Variants in ELP1 observed in about 807,000 individuals in gnomAD.
ELP1 encodes elongator acetyltransferase complex subunit 1, also known as elongator complex protein 1.
A neutral mutation model predicts 183.2 loss-of-function variants in ELP1; 131 were observed. The ratio of observed to expected loss-of-function variants is 0.72; its 90% CI spans 0.62 to 0.83. The LOEUF is 0.83. ELP1 is among the 40% of genes least tolerant of loss of function. The pLI is 0.00. For missense variants in ELP1, 1,550 were observed against 1,594.9 expected (o/e 0.97, Z 0.48); for synonymous variants, 555 against 569.0 (o/e 0.98, Z 0.35).
chr9:108,927,565 T>C (rs572777714), intron 3 of ELP1, 112 bp from the exon 4 acceptor site: 5 of 825,888 alleles, frequency 6.1e-6, no homozygotes, highest in Admixed American at 3.8e-5. Context: ...CATCAGTATA[T>C]GGAAGAGATA....
rs1023418909 is a variant in ELP1 at position 108,919,577 on chromosome 9, A to T, written c.553-228T>A. 8.5e-5 allele frequency among the ~76,000 whole-genome samples: 13 copies of T among 152,158 alleles called. 1 individual carries two copies. The highest frequency in any genetic ancestry group is 1.3e-4 in the Non-Finnish European group (9 of 68,028). On this transcript the variant is annotated intron_variant, in intron 6 of 36. Transcript: ENST00000374647. Reference sequence around the variant, plus strand: ...AATCCTCCTTTCGGCATTAAAAAAAAAAAAAGTGGCCTCTGAGAACAGCAA... The same window carrying T: ...AATCCTCCTTTCGGCATTAAAAAAATAAAAAGTGGCCTCTGAGAACAGCAA...
In ELP1 at chr9:108,906,419, A is replaced by C; in HGVS notation, c.1527T>G (p.Ile509Met). The C allele has an allele frequency of 6.2e-7, 1 of 1,614,106 alleles. No individual in the cohort carries two copies. The highest frequency in any genetic ancestry group is 1.1e-5 in the South Asian group (1 of 91,082). The part of the protein sequence containing the change: ...NPLKLGLLTW[I>M]EEDVFLAVSH... The stretch of plus-strand genomic sequence containing the variant: ...TTACAGCCAGGAAGACGTCTTCTTC[A>C]ATCCAAGTGAGAAGGCCTAGTTTCA... Residue 509 changes from isoleucine to methionine, a missense_variant, in exon 14 of 37, where the codon ATT (isoleucine) becomes ATG (methionine). Ile to Met is a conservative substitution (Grantham distance 10). Transcript: ENST00000374647.
intron 36 of ELP1, among the ~76,000 whole-genome samples, chr9:108,869,622 A>G (rs908353327): frequency 3.3e-5 from 5 of 152,196 alleles, no homozygotes; most frequent in African/African-American, 1.2e-4. Flanking sequence ...GACAGGAACT[A>G]CTTTATGATG....
intron 29 of ELP1, among the ~76,000 whole-genome samples, chr9:108,888,181 T>G (rs771378727): frequency 1.3e-5 from 2 of 152,218 alleles, no homozygotes; most frequent in Non-Finnish European, 2.9e-5. Context: ...ATGGTTCTGT[T>G]TATATGAAAT....
At chr9:108,917,717 AAAGAATAGAT>A (rs1564101211) in intron 8 of ELP1, 47 bp from the exon 9 acceptor site, 1 of 1,605,184 alleles carries the variant, frequency 6.2e-7, no homozygotes, top group Non-Finnish European at 8.5e-7. Flanking sequence ...TCACCTAACT[AAAGAATAGAT>A]AAAATCCAGA....
Position 108,893,055 on chromosome 9 carries a change from G to C in ELP1, c.2889C>G (p.Asn963Lys). ...CGPEYFPECL[N>K]LIKDKNLYNE... The stretch of plus-strand genomic sequence containing the variant: ...TATACAAGTTTTTATCTTTTATCAA[G>C]TTTAAGCATTCTGGGAAGTACTCAG... Residue 963 changes from asparagine (N) to lysine (K), a missense_variant, in exon 27 of 37, where the codon AAC becomes AAG. Transcript: ENST00000374647. The C allele has an allele frequency of 1.2e-6, 2 of 1,613,746 alleles. No individual in the cohort carries two copies. Among genetic ancestry groups the C allele is most frequent in the Non-Finnish European group, 1.7e-6 (2 of 1,179,704 alleles).
chr9:108,891,269 G>C lies in ELP1; in HGVS notation c.3094C>G (p.Leu1032Val). The C allele has an allele frequency of 6.2e-7, 1 of 1,614,232 alleles. No homozygotes were observed. Among genetic ancestry groups the C allele is most frequent in the Non-Finnish European group, 8.5e-7 (1 of 1,180,046 alleles). The change falls in exon 28 of 37, where the codon CTC becomes GTC. Residue 1032 changes from leucine to valine, a missense_variant. Transcript: ENST00000374647. ...AAGTTAAGCTGGGCTGCCACACAGA[G>C]GGCTTGCTTCCAGTTGCCACATGTC... ...FLTCGNWKQA[L>V]CVAAQLNFTK...
At position 108,897,138 on chromosome 9, in the gene ELP1, G is replaced by C; in HGVS notation, c.2501+10C>G. 1 of 1,614,166 alleles carries C rather than the reference G, an allele frequency of 6.2e-7. No individual in the cohort carries two copies. Among genetic ancestry groups the C allele is most frequent in the Non-Finnish European group, 8.5e-7 (1 of 1,180,028 alleles). ...TTTCAAAGGATGCCACCTGGTGACA[G>C]CATACATACTTATGAGGATTTATGC... is the stretch of plus-strand genomic sequence containing the variant. On this transcript the variant is annotated intron_variant, in intron 23 of 36. Transcript: ENST00000374647.
chr9:108,917,701 G>C (rs748133949), intron 8 of ELP1, 31 bp from the exon 9 acceptor site: 1 of 1,612,516 alleles, frequency 6.2e-7, no homozygotes, highest in Non-Finnish European at 8.5e-7. Context: ...TTACAATATC[G>C]AAAGCTCACC....
intron 27 of ELP1, 144 bp from the exon 28 acceptor site, chr9:108,891,548 G>A (rs1828337753): frequency 1.3e-6 from 1 of 750,016 alleles, no homozygotes; most frequent in Non-Finnish European, 2.3e-6. Flanking sequence ...AGTTAGTACA[G>A]TCATTTTTTC....
chr9:108,890,963 G>A (rs200838991), intron 28 of ELP1, among the ~76,000 whole-genome samples: 1 of 152,140 alleles, frequency 6.6e-6, no homozygotes, highest in Non-Finnish European at 1.5e-5. Context: ...GCCACACAAC[G>A]GAAGGGCCTA....
At chr9:108,914,815 T>A (rs931875726) in intron 10 of ELP1, among the ~76,000 whole-genome samples, 2 of 152,072 alleles carry the variant, frequency 1.3e-5, no homozygotes, top group African/African-American at 4.8e-5. Context: ...TTAGTAGAGA[T>A]GGGGTTACAC....
At position 108,899,836 on chromosome 9, in the gene ELP1, C is replaced by A; in HGVS notation, c.2190G>T (p.Arg730=). 1 of 1,614,064 alleles carries A rather than the reference C, an allele frequency of 6.2e-7. No individual in the cohort carries two copies. Among genetic ancestry groups the A allele is most frequent in the Non-Finnish European group, 8.5e-7 (1 of 1,179,936 alleles). The change falls in exon 20 of 37, where the codon CGG becomes CGT. Residue 730 remains arginine, a synonymous_variant. Transcript: ENST00000374647. ...HHRALVLAQI[R]KWLDKLMFKE... ...ATGGCACTTACTTGTCCAACCACTT[C>A]CGAATCTGAGCTAAAACCAGGGCTC...
intron 18 of ELP1, among the ~76,000 whole-genome samples, chr9:108,900,725 GA>G (rs753248620): frequency 3.3e-5 from 5 of 151,974 alleles, no homozygotes; most frequent in Non-Finnish European, 5.9e-5. Context: ...TGGAAGCAAA[GA>G]AAATAAGTTG....
At chr9:108,896,669 A>G (rs1407047611) in intron 24 of ELP1, 25 bp from the exon 25 acceptor site, 2 of 1,612,000 alleles carry the variant, frequency 1.2e-6, no homozygotes, top group African/African-American at 1.3e-5. Context: ...AAAACAAAAC[A>G]GAACACAATC....
At chr9:108,891,964 G>T (rs1406979759) in intron 27 of ELP1, among the ~76,000 whole-genome samples, 7 of 152,324 alleles carry the variant, frequency 4.6e-5, no homozygotes, top group Middle Eastern at 3.4e-3. Flanking sequence ...TGTGACTAGA[G>T]CAGAGAGAGT....
At chr9:108,879,593 G>T in intron 32 of ELP1, 36 bp from the exon 33 acceptor site, 1 of 1,434,168 alleles carries the variant, frequency 7.0e-7, no homozygotes, top group Non-Finnish European at 9.8e-7. Context: ...TGAAAACACT[G>T]CCTGCTAATG....
In ELP1 at chr9:108,903,597, C is replaced by A. The variant is rs1828899035; in HGVS notation, c.1716G>T (p.Gln572His). The A allele has an allele frequency of 6.2e-7, 1 of 1,613,728 alleles. No individual in the cohort carries two copies. The highest frequency in any genetic ancestry group is 8.5e-7 in the Non-Finnish European group (1 of 1,179,840). The part of the protein sequence containing the change: ...CNSKTKSVVL[Q>H]LADGQIFKYL... The stretch of plus-strand genomic sequence containing the variant: ...ACTTAAATATCTGGCCATCAGCCAG[C>A]TGTAATACTACTGACTTGGTCTTGG... Residue 572 changes from glutamine (Q) to histidine (H), a missense_variant, in exon 15 of 37, where the codon CAG becomes CAT. Gln to His is a conservative substitution (Grantham distance 24). Transcript: ENST00000374647.
In ELP1 at chr9:108,882,290, C is replaced by A. The variant is rs546846764; in HGVS notation, c.3223-103G>T. On this transcript the variant is annotated intron_variant, in intron 29 of 36. Coordinates refer to ENST00000374647, the MANE Select transcript of ELP1 (RefSeq NM_003640.5). ...ACAGACCTGCCTCTATCTCCCTGGC[C>A]AGGGGAGAACTCCTAGTTCTCAACA... 35 of 883,780 alleles carry A rather than the reference C, an allele frequency of 4.0e-5. No homozygotes were observed. In the South Asian group the frequency reaches 4.4e-4, roughly 11 times the overall value. The allele number at this position is 883,780 out of a possible 1,614,324, so 54.7% of individuals were successfully genotyped here.
Sources: allele counts gnomAD v4.1 joint callset (sites outside exome capture counted in the v4.1 genomes callset), GRCh38; gene constraint gnomAD v4.1.1; transcripts MANE v1.5; gene names NCBI Gene and HGNC (gene_info 2026-07-23, HGNC 2026-07-21).